Variants in CAPN7 observed in about 807,000 individuals in gnomAD.
CAPN7 encodes the protein calpain 7, also known as calpain-7.
Under a neutral mutation model 115.2 loss-of-function variants are expected in CAPN7, and 72 were observed. The observed-to-expected ratio is 0.63, with a 90% CI of 0.52 to 0.76. The LOEUF is 0.76. CAPN7 is among the 30% of genes least tolerant of loss of function. CAPN7 has a pLI of 0.00. For synonymous variants in CAPN7, 344 were observed against 322.3 expected (o/e 1.07, Z -0.72); for missense variants, 905 against 971.5 (o/e 0.93, Z 0.91).
At chr3:15,227,794 CT>C in intron 6 of CAPN7, 44 bp from the exon 7 acceptor site, 1 of 1,274,036 alleles carries the variant, frequency 7.8e-7, no homozygotes, top group Non-Finnish European at 1.0e-6. Context: ...TTTGAGTCAT[CT>C]TTTAAGATTA....
chr3:15,246,013 C>A, intron 17 of CAPN7: 1 of 162,474 alleles, frequency 6.2e-6, no homozygotes, highest in Non-Finnish European at 1.3e-5. Context: ...GCAATCTCGG[C>A]TCACTGCAGC....
intron 4 of CAPN7, among the ~76,000 whole-genome samples, chr3:15,219,507 T>G (rs1250985148): frequency 6.6e-6 from 1 of 152,210 alleles, no homozygotes; most frequent in African/African-American, 2.4e-5. Context: ...AGTTGTCTTC[T>G]CTATCTTGAC....
intron 5 of CAPN7, among the ~76,000 whole-genome samples, chr3:15,222,012 AGTATAC>A (rs11277122): frequency 0.013 from 2,026 of 151,654 alleles, 63 homozygotes; most frequent in African/African-American, 0.045. Context: ...ATACGTATAT[AGTATAC>A]GTATACGTAT....
chr3:15,212,249 T>G (rs2044999305), intron 2 of CAPN7, 37 bp downstream of exon 2: 1 of 1,191,370 alleles, frequency 8.4e-7, no homozygotes, highest in East Asian at 2.4e-5. Context: ...ACTCTATTTT[T>G]TCTTTTCTCC....
intron 2 of CAPN7, among the ~76,000 whole-genome samples, 179 bp from the exon 3 acceptor site, chr3:15,217,246 T>TA (rs557524108): frequency 1.4e-3 from 201 of 139,992 alleles, no homozygotes; most frequent in South Asian, 0.011. Context: ...AGAGCCTGTC[T>TA]AAAAAAAAAA....
At chr3:15,232,419 G>A (rs1474075315) in intron 9 of CAPN7, 100 bp from the exon 10 acceptor site, 22 of 891,962 alleles carry the variant, frequency 2.5e-5, no homozygotes, top group Admixed American at 8.5e-5. Context: ...CATATTGTGC[G>A]TTATATTTTA....
chr3:15,222,688 A>G (rs934130166), intron 5 of CAPN7, among the ~76,000 whole-genome samples: 3 of 152,222 alleles, frequency 2.0e-5, no homozygotes, highest in Non-Finnish European at 1.5e-5. Context: ...CACATGTTTG[A>G]AATTCTGTAC....
chr3:15,224,295 A>G (rs1694176788), intron 6 of CAPN7, among the ~76,000 whole-genome samples: 1 of 149,668 alleles, frequency 6.7e-6, no homozygotes, highest in Admixed American at 6.7e-5. Context: ...TTTTTGAGAT[A>G]GGGTCTCACT....
At chr3:15,218,624 G>C in intron 4 of CAPN7, 84 bp downstream of exon 4, 1 of 954,084 alleles carries the variant, frequency 1.0e-6, no homozygotes, top group Middle Eastern at 2.1e-4. Flanking sequence ...TGTAAAGGCT[G>C]CAGTAACAAA....
Position 15,229,841 on chromosome 3 carries a change from C to A in CAPN7, c.939-601C>A, listed in dbSNP as rs558643915. Among the ~76,000 whole-genome samples the A allele has an allele frequency of 6.6e-5, 10 of 152,178 alleles. No homozygotes were observed. The South Asian group carries it at 2.1e-3, about 32-fold the overall frequency. ...ATACTTTTTCAGTTTTTAAAAGATACATTAGCTTAAAATCATTCATTGCAA... is the reference window on the plus strand; with the variant it reads ...ATACTTTTTCAGTTTTTAAAAGATAAATTAGCTTAAAATCATTCATTGCAA... On this transcript the variant is annotated intron_variant, in intron 8 of 20. Transcript: ENST00000253693.
At chr3:15,217,909 A>G (rs956330358) in intron 3 of CAPN7, among the ~76,000 whole-genome samples, 2 of 152,228 alleles carry the variant, frequency 1.3e-5, no homozygotes, top group African/African-American at 4.8e-5. Flanking sequence ...AGTTTCGTGC[A>G]CTAAAAAATA....
chr3:15,245,926 G>T, intron 17 of CAPN7: 1 of 322,922 alleles, frequency 3.1e-6, no homozygotes, highest in Non-Finnish European at 5.6e-6. Context: ...TAGTATGTTG[G>T]ACTAATAATA....
At position 15,235,100 on chromosome 3, in the gene CAPN7, G is replaced by A. The variant is rs372286340; in HGVS notation, c.1362G>A (p.Leu454=). ...AAGCTGAAGGAGAGAAGTGGGGTCT[G>A]GTTCCCACACACGCATATGCTGTTT... ...MTEAEGEKWG[L]VPTHAYAVLD... Residue 454 remains leucine, a synonymous_variant, in exon 12 of 21, where the codon CTG becomes CTA. Coordinates refer to ENST00000253693, the MANE Select transcript of CAPN7 (RefSeq NM_014296.3). The A allele has an allele frequency of 4.3e-6, 7 of 1,613,324 alleles. No individual in the cohort carries two copies. In the African/African-American group the frequency reaches 9.3e-5, roughly 22 times the overall value.
At position 15,235,092 on chromosome 3, in the gene CAPN7, T is replaced by C. The variant is rs764223742; in HGVS notation, c.1354T>C (p.Trp452Arg). 6.2e-7 allele frequency: 1 copy of C among 1,613,610 alleles called. No individual in the cohort carries two copies. The highest frequency in any genetic ancestry group is 8.5e-7 in the Non-Finnish European group (1 of 1,179,642). ...GATGACAGAAGCTGAAGGAGAGAAG[T>C]GGGGTCTGGTTCCCACACACGCATA... is the stretch of plus-strand genomic sequence containing the variant. Reference protein sequence around the residue: ...GMMTEAEGEKWGLVPTHAYAV... With the variant: ...GMMTEAEGEKRGLVPTHAYAV... Residue 452 changes from tryptophan to arginine, a missense_variant, in exon 12 of 21, where the codon TGG becomes CGG. Physicochemically the swap from Trp to Arg is moderately radical, Grantham distance 101. This residue lies in a region of CAPN7 where 620 missense variants were observed against 703.4 expected (regional missense o/e 0.88). Transcript: ENST00000253693.
At chr3:15,222,592 C>T (rs1694066957) in intron 5 of CAPN7, among the ~76,000 whole-genome samples, 1 of 152,152 alleles carries the variant, frequency 6.6e-6, no homozygotes, top group Non-Finnish European at 1.5e-5. Flanking sequence ...TGCATGTGCA[C>T]CAACACAGCA....
At chr3:15,222,756 GAA>G (rs1222126297) in intron 5 of CAPN7, among the ~76,000 whole-genome samples, 1 of 152,190 alleles carries the variant, frequency 6.6e-6, no homozygotes, top group African/African-American at 2.4e-5. Flanking sequence ...TCATGCGAGT[GAA>G]AAGTTTTCAT....
intron 1 of CAPN7, among the ~76,000 whole-genome samples, chr3:15,208,335 A>G (rs920982357): frequency 6.6e-6 from 1 of 150,548 alleles, no homozygotes; most frequent in African/African-American, 2.5e-5. Flanking sequence ...CTCAGCCTGG[A>G]GTGCCGTGGC....
intron 2 of CAPN7, among the ~76,000 whole-genome samples, chr3:15,215,730 G>C (rs1430844647): frequency 6.6e-6 from 1 of 152,032 alleles, no homozygotes; most frequent in African/African-American, 2.4e-5. Flanking sequence ...TTGTTTATCC[G>C]TTCATTAGTT....
At position 15,212,217 on chromosome 3, in the gene CAPN7, G is replaced by A. The variant is rs1406173733; in HGVS notation, c.211+5G>A. ...TTCAAGCTCTACATTCAGCAGGTTA[G>A]TAAAGGACTACTAAACTTGTCACTC... is the stretch of plus-strand genomic sequence containing the variant. On this transcript the variant is annotated splice_donor_5th_base_variant and intron_variant, in intron 2 of 20. Transcript: ENST00000253693. The A allele has an allele frequency of 4.0e-6, 6 of 1,498,508 alleles. No individual in the cohort carries two copies. The highest frequency in any genetic ancestry group is 2.3e-5 in the East Asian group (1 of 43,464). The allele number at this position is 1,498,508 out of a possible 1,614,324, so 92.8% of individuals were successfully genotyped here. A position where few individuals can be genotyped will look rare whatever the true frequency, so the allele number is the denominator to read the frequency against.
Sources: allele counts gnomAD v4.1 joint callset (sites outside exome capture counted in the v4.1 genomes callset), GRCh38; gene constraint gnomAD v4.1.1; regional missense constraint gnomAD v4.1.1; transcripts MANE v1.5; gene names NCBI Gene and HGNC (gene_info 2026-07-23, HGNC 2026-07-21).